Variants in MIPOL1 observed in about 807,000 individuals in gnomAD.
MIPOL1 encodes mirror-image polydactyly gene 1 protein.
MIPOL1 carries 57 observed loss-of-function variants against 60.9 expected under a neutral mutation model. The observed-to-expected ratio is 0.94, with a 90% confidence interval of 0.76 to 1.17. The LOEUF (loss-of-function observed/expected upper bound fraction) is 1.17. Among genes scored for constraint, MIPOL1 ranks in the 50% most tolerant of loss-of-function variants. MIPOL1 has a pLI of 0.00. For synonymous variants in MIPOL1, 179 were observed against 168.8 expected (o/e 1.06, Z -0.47); for missense variants, 551 against 511.6 (o/e 1.08, Z -0.74).
intron 1 of MIPOL1, among the ~76,000 whole-genome samples, chr14:37,228,498 T>G (rs184494017): frequency 3.9e-5 from 6 of 152,202 alleles, no homozygotes; most frequent in Admixed American, 2.0e-4. Flanking sequence ...TTTAGTTTCT[T>G]GTCCTCGTAA....
At chr14:37,504,958 G>C (rs942133180) in intron 12 of MIPOL1, 1 of 152,122 alleles carries the variant, frequency 6.6e-6, no homozygotes, top group Non-Finnish European at 1.5e-5. Flanking sequence ...ACTACCATCA[G>C]ATAATACTAT....
chr14:37,454,156 A>C (rs2094451714), intron 11 of MIPOL1, among the ~76,000 whole-genome samples: 1 of 152,164 alleles, frequency 6.6e-6, no homozygotes, highest in Admixed American at 6.5e-5. Flanking sequence ...CTGCTGATTC[A>C]TGGAGTCGTG....
intron 12 of MIPOL1, among the ~76,000 whole-genome samples, chr14:37,524,833 G>T (rs1036266306): frequency 6.6e-6 from 1 of 151,862 alleles, no homozygotes; most frequent in African/African-American, 2.4e-5. Context: ...CTCCCAAAGT[G>T]CTGGGATTAC....
chr14:37,540,981 G>A (rs2095527434), intron 12 of MIPOL1, among the ~76,000 whole-genome samples: 1 of 152,082 alleles, frequency 6.6e-6, no homozygotes, highest in South Asian at 2.1e-4. Flanking sequence ...TTTAATATGA[G>A]TTTCAGGCAT....
intron 6 of MIPOL1, among the ~76,000 whole-genome samples, chr14:37,281,666 A>G (rs1422715991): frequency 6.6e-6 from 1 of 152,162 alleles, no homozygotes; most frequent in East Asian, 1.9e-4. Flanking sequence ...TGGCCTCCCA[A>G]AGGGCTGGGA....
intron 4 of MIPOL1, among the ~76,000 whole-genome samples, chr14:37,267,702 A>G (rs1305457698): frequency 1.3e-5 from 2 of 152,176 alleles, no homozygotes; most frequent in African/African-American, 4.8e-5. Flanking sequence ...GAAGAAAGAC[A>G]GGTTTAATTC....
chr14:37,442,390 T>G (rs139054722), intron 11 of MIPOL1, among the ~76,000 whole-genome samples: 73 of 152,252 alleles, frequency 4.8e-4, no homozygotes, highest in African/African-American at 1.7e-3. Flanking sequence ...TTGCTCTGAC[T>G]AGGACTTCCA....
At chr14:37,407,008 A>G (rs1277670707) in intron 10 of MIPOL1, among the ~76,000 whole-genome samples, 1 of 152,202 alleles carries the variant, frequency 6.6e-6, no homozygotes. Flanking sequence ...CTTAAAAGTT[A>G]CAAAGAAAAG....
At chr14:37,546,286 G>A (rs932723538) in intron 12 of MIPOL1, among the ~76,000 whole-genome samples, 4 of 152,078 alleles carry the variant, frequency 2.6e-5, no homozygotes, top group African/African-American at 7.2e-5. Context: ...AAATAGAAAC[G>A]TGTTTTTTTA....
intron 10 of MIPOL1, chr14:37,397,125 A>G (rs1173843391): frequency 1.3e-5 from 2 of 152,160 alleles, no homozygotes; most frequent in African/African-American, 4.8e-5. Context: ...GGGAGAGTCT[A>G]GGGCTGAAGA....
At chr14:37,285,685 G>A (rs1277722031) in intron 7 of MIPOL1, among the ~76,000 whole-genome samples, 2 of 150,688 alleles carry the variant, frequency 1.3e-5, no homozygotes, top group East Asian at 3.9e-4. Flanking sequence ...TCCGCCTCCC[G>A]GGTTCAAGTG....
intron 9 of MIPOL1, among the ~76,000 whole-genome samples, chr14:37,331,430 C>T (rs1389022570): frequency 6.6e-6 from 1 of 151,598 alleles, no homozygotes; most frequent in Non-Finnish European, 1.5e-5. Flanking sequence ...TGTGTATGTC[C>T]TCTTCAGTTT....
chr14:37,511,169 G>A (rs12883401), intron 12 of MIPOL1, among the ~76,000 whole-genome samples: 20,458 of 152,138 alleles, frequency 0.13, 1,442 homozygotes, highest in South Asian at 0.27. Context: ...CCATCCATAA[G>A]CTAGCCAGTA....
intron 11 of MIPOL1, among the ~76,000 whole-genome samples, chr14:37,454,042 C>T (rs2094450596): frequency 6.6e-6 from 1 of 152,150 alleles, no homozygotes. Flanking sequence ...AGAAGTTTTT[C>T]AACAGCTATT....
At chr14:37,440,864 A>C (rs2094232514) in intron 11 of MIPOL1, among the ~76,000 whole-genome samples, 1 of 152,146 alleles carries the variant, frequency 6.6e-6, no homozygotes, top group Non-Finnish European at 1.5e-5. Flanking sequence ...GGTTGTCCTA[A>C]TTTACATTCC....
At chr14:37,320,947 G>T (rs2088518514) in intron 9 of MIPOL1, among the ~76,000 whole-genome samples, 1 of 151,916 alleles carries the variant, frequency 6.6e-6, no homozygotes, top group African/African-American at 2.4e-5. Context: ...CTGTTCCATT[G>T]TTGTAGGTTT....
At position 37,372,848 on chromosome 14, in the gene MIPOL1, T is replaced by C. The variant is rs1348208552; in HGVS notation, c.936+3224T>C. On this transcript the variant is annotated intron_variant, in intron 10 of 12. Transcript: ENST00000684589. ...ATAACAAGTAAAACACAGTGGTATC[T>C]ATAGGATAAGGGACTGAATTATACT... Among the ~76,000 whole-genome samples, 3 of 152,144 alleles carry C rather than the reference T, an allele frequency of 2.0e-5. No homozygotes were observed. In the South Asian group the frequency reaches 6.2e-4, roughly 31 times the overall value.
At chr14:37,338,879 C>T (rs2090381098) in intron 9 of MIPOL1, among the ~76,000 whole-genome samples, 1 of 152,114 alleles carries the variant, frequency 6.6e-6, no homozygotes, top group South Asian at 2.1e-4. Context: ...CACTTTAAAG[C>T]TGTCAAAGAA....
At chr14:37,259,581 A>T (rs58520096) in intron 3 of MIPOL1, among the ~76,000 whole-genome samples, 5,972 of 151,984 alleles carry the variant, frequency 0.039, 274 homozygotes, top group African/African-American at 0.11. Context: ...AAAAACAAAA[A>T]AAACATAAGA....
Sources: gnomAD v4.1 joint callset for allele counts (sites outside exome capture counted in the v4.1 genomes callset) on GRCh38, gnomAD v4.1.1 for gene constraint, MANE v1.5 for transcripts, NCBI Gene and HGNC (gene_info 2026-07-23, HGNC 2026-07-21) for gene names.